Variants in ALPK2 observed in about 807,000 individuals in gnomAD.
The protein encoded by ALPK2 is alpha kinase 2.
A neutral mutation model predicts 163.1 loss-of-function variants in ALPK2; 127 were observed. The observed-to-expected ratio is 0.78, with a 90% CI of 0.67 to 0.90. The LOEUF (loss-of-function observed/expected upper bound fraction) is 0.90, where lower values mean the gene tolerates loss of function less well. Ranked by LOEUF, ALPK2 falls within the 40% of genes least tolerant of loss-of-function variation. The pLI is 0.00. For missense variants in ALPK2, 2,360 were observed against 2,589.6 expected, an observed-to-expected ratio of 0.91 and a Z score of 1.92; for synonymous variants, 953 against 959.1, an observed-to-expected ratio of 0.99 and a Z score of 0.12.
At chr18:58,595,333 T>C (rs2052035752) in intron 3 of ALPK2, among the ~76,000 whole-genome samples, 1 of 152,246 alleles carries the variant, frequency 6.6e-6, no homozygotes, top group African/African-American at 2.4e-5. Flanking sequence ...TATTTGCTGC[T>C]GTAACCTTAG....
intron 4 of ALPK2, among the ~76,000 whole-genome samples, chr18:58,571,229 C>T (rs1335305785): frequency 6.6e-6 from 1 of 151,966 alleles, no homozygotes; most frequent in Admixed American, 6.6e-5. Context: ...ACCATGTTGG[C>T]CAGGCTGGTC....
rs557852979 is a variant in ALPK2, at chr18:58,532,471, T to C, written c.5353+2363A>G. Among the ~76,000 whole-genome samples, 250 of 152,154 alleles carry C rather than the reference T, an allele frequency of 1.6e-3. 2 individuals carry two copies. The highest frequency in any genetic ancestry group is 0.01 in the Middle Eastern group (3 of 294). On this transcript the variant is annotated intron_variant, in intron 5 of 12. Coordinates refer to ENST00000361673, the MANE Select transcript of ALPK2 (RefSeq NM_052947.4). ...GACTCAAGGGTAACTCTGGTGAACC[T>C]CCCCCTCCTGCTCCGTCACCAGATG...
intron 3 of ALPK2, among the ~76,000 whole-genome samples, chr18:58,601,454 T>G (rs1347851160): frequency 6.6e-6 from 1 of 152,208 alleles, no homozygotes; most frequent in Non-Finnish European, 1.5e-5. Context: ...TTGCCACTCT[T>G]CAAAAGTAGA....
At chr18:58,533,562 T>G (rs72935487) in intron 5 of ALPK2, among the ~76,000 whole-genome samples, 15,442 of 151,442 alleles carry the variant, frequency 0.1, 882 homozygotes, top group Middle Eastern at 0.15. Flanking sequence ...TGGGGTCAGG[T>G]GATTCTCCTT....
chr18:58,598,205 T>C (rs550994327), intron 3 of ALPK2, among the ~76,000 whole-genome samples: 140 of 152,212 alleles, frequency 9.2e-4, no homozygotes, highest in Non-Finnish European at 1.6e-3. Context: ...GGGTGTGGCC[T>C]GAAGGGAGTC....
rs7234999 is a variant in ALPK2, at chr18:58,534,888, G to T, written c.5299C>A (p.His1767Asn). 6.2e-7 allele frequency: 1 copy of T among 1,613,912 alleles called. No individual in the cohort carries two copies. Among genetic ancestry groups the T allele is most frequent in the Non-Finnish European group, 8.5e-7 (1 of 1,179,964 alleles). Residue 1767 changes from histidine to asparagine, a missense_variant, in exon 5 of 13, where the codon CAC becomes AAC. His to Asn is a moderately conservative substitution (Grantham distance 68, BLOSUM62 1). Coordinates refer to ENST00000361673, the MANE Select transcript of ALPK2 (RefSeq NM_052947.4). The part of the protein sequence containing the change: ...KMPKLETSLS[H>N]TEEKQDPKKP... ...TTTGGGTCTTGTTTCTCTTCTGTGT[G>T]TGATAATGATGTTTCGAGTTTGGGC...
chr18:58,496,006 T>C (rs1323056978), intron 12 of ALPK2, among the ~76,000 whole-genome samples: 1 of 152,124 alleles, frequency 6.6e-6, no homozygotes, highest in East Asian at 1.9e-4. Flanking sequence ...CCTTCTGGGG[T>C]CCAGAAGCCT....
intron 6 of ALPK2, 121 bp downstream of exon 6, chr18:58,528,969 TG>T: frequency 8.4e-7 from 1 of 1,185,828 alleles, no homozygotes; most frequent in Non-Finnish European, 1.2e-6. Flanking sequence ...ATTGTGGATG[TG>T]GAATCTCTGC....
In ALPK2 at chr18:58,535,007, ACT is replaced by A. The variant is rs767392939; in HGVS notation, c.5178_5179del (p.Val1727LysfsTer29). 6 of 1,612,886 alleles carry A rather than the reference ACT, an allele frequency of 3.7e-6. No homozygotes were observed. The Admixed American group carries it at 1.0e-4, about 27-fold the overall frequency. Reference sequence around the variant, plus strand: ...CACCCTGGACAAAATTTTCTTCTTTACTCCCTCAGCTAAATGTCCACTGCCTG... The same window carrying A: ...CACCCTGGACAAAATTTTCTTCTTTACCCTCAGCTAAATGTCCACTGCCTG... On this transcript the variant is annotated frameshift_variant, in exon 5 of 13. Coordinates refer to ENST00000361673, the MANE Select transcript of ALPK2 (RefSeq NM_052947.4).
At chr18:58,574,274 C>T (rs1230345658) in intron 4 of ALPK2, among the ~76,000 whole-genome samples, 1 of 145,336 alleles carries the variant, frequency 6.9e-6, no homozygotes, top group Non-Finnish European at 1.5e-5. Context: ...GAAACCCTGT[C>T]TCTACTAAAA....
chr18:58,514,214 C>A (rs1187301297), intron 10 of ALPK2, among the ~76,000 whole-genome samples: 2 of 152,166 alleles, frequency 1.3e-5, no homozygotes, highest in African/African-American at 2.4e-5. Flanking sequence ...ACATGGTCTT[C>A]CAAATGTACC....
intron 3 of ALPK2, among the ~76,000 whole-genome samples, chr18:58,593,385 G>T (rs1261610371): frequency 6.6e-6 from 1 of 151,688 alleles, no homozygotes; most frequent in East Asian, 1.9e-4. Flanking sequence ...CCAACATGGT[G>T]AAACCCCATC....
chr18:58,587,673 G>T (rs1358598285), intron 3 of ALPK2, among the ~76,000 whole-genome samples: 1 of 152,158 alleles, frequency 6.6e-6, no homozygotes, highest in Non-Finnish European at 1.5e-5. Context: ...CTTGAAGTTG[G>T]TCAATTGAGA....
intron 4 of ALPK2, among the ~76,000 whole-genome samples, chr18:58,575,760 T>G (rs1228052116): frequency 2.0e-5 from 3 of 152,186 alleles, no homozygotes; most frequent in Non-Finnish European, 4.4e-5. Flanking sequence ...GGGATTAACT[T>G]TATAATCTTC....
Position 58,524,068 on chromosome 18 carries a change from A to G in ALPK2, c.5502-6T>C. The G allele has an allele frequency of 1.2e-6, 2 of 1,609,674 alleles. No homozygotes were observed. The highest frequency in any genetic ancestry group is 1.3e-5 in the African/African-American group (1 of 74,930). On this transcript the variant is annotated splice_region_variant and splice_polypyrimidine_tract_variant and intron_variant, in intron 6 of 12. Coordinates refer to ENST00000361673, the MANE Select transcript of ALPK2 (RefSeq NM_052947.4). ...CAGTGGAGTTGTCCCCTGCACTGCA[A>G]TGAGGAATATTCACATTGACACACT...
At position 58,604,823 on chromosome 18, in the gene ALPK2, C is replaced by T. The variant is rs578042691; in HGVS notation, c.227+2499G>A. 5.9e-5 allele frequency among the ~76,000 whole-genome samples: 9 copies of T among 152,290 alleles called. No homozygotes were observed. In the South Asian group the frequency reaches 1.7e-3, roughly 28 times the overall value. On this transcript the variant is annotated intron_variant, in intron 3 of 12. Coordinates refer to ENST00000361673, the MANE Select transcript of ALPK2 (RefSeq NM_052947.4). Reference sequence around the variant, plus strand: ...GAACAGGGAATGGTGACTCCCTGAACCTTCCACAGGGCAAGTTCCCTCCCC... The same window carrying T: ...GAACAGGGAATGGTGACTCCCTGAATCTTCCACAGGGCAAGTTCCCTCCCC...
At chr18:58,509,461 T>C (rs200314203) in intron 10 of ALPK2, among the ~76,000 whole-genome samples, 20,392 of 151,876 alleles carry the variant, frequency 0.13, 1,449 homozygotes, top group East Asian at 0.22. Context: ...ATCGCCACAC[T>C]GACTTCCACA....
intron 4 of ALPK2, among the ~76,000 whole-genome samples, chr18:58,562,445 C>T (rs574119143): frequency 2.0e-4 from 31 of 152,364 alleles, no homozygotes; most frequent in African/African-American, 7.5e-4. Flanking sequence ...AAATGCCTTA[C>T]TGAAGTGTCA....
chr18:58,503,173 G>A (rs145340414), intron 11 of ALPK2, among the ~76,000 whole-genome samples: 94 of 152,330 alleles, frequency 6.2e-4, no homozygotes, highest in African/African-American at 2.3e-3. Flanking sequence ...AAACAATTGT[G>A]TATACATTGA....
Sources: gnomAD v4.1 joint callset for allele counts (sites outside exome capture counted in the v4.1 genomes callset) on GRCh38, gnomAD v4.1.1 for gene constraint, MANE v1.5 for transcripts, NCBI Gene and HGNC (gene_info 2026-07-23, HGNC 2026-07-21) for gene names.